The following BRD8 variants were observed in gnomAD, a reference collection of about 807,000 sequenced individuals.
The protein encoded by BRD8 is bromodomain containing 8, also known as bromodomain-containing protein 8.
A neutral mutation model predicts 143.1 loss-of-function variants in BRD8; 67 were observed. That is an observed-to-expected ratio of 0.47 (90% CI 0.38 to 0.57). The LOEUF (loss-of-function observed/expected upper bound fraction) is 0.57, where lower values mean the gene tolerates loss of function less well. Among genes scored for constraint, BRD8 ranks in the 20% least tolerant of loss-of-function variants. The pLI is 0.00. For synonymous variants in BRD8, 505 were observed against 517.1 expected (o/e 0.98, Z 0.32); for missense variants, 1,103 against 1,503.0 (o/e 0.73, Z 4.40).
chr5:138,171,195 AATAAC>A lies in BRD8; in HGVS notation c.237-40_237-36del, dbSNP rs746869591. The A allele has an allele frequency of 6.3e-6, 10 of 1,590,218 alleles. No homozygotes were observed. The South Asian group carries it at 1.1e-4, about 18-fold the overall frequency. On this transcript the variant is annotated intron_variant, in intron 4 of 26. Coordinates refer to ENST00000254900, the MANE Select transcript of BRD8 (RefSeq NM_139199.2). The stretch of plus-strand genomic sequence containing the variant: ...ATTGAAAAAAAAAAATTCATATTCA[AATAAC>A]ATAACATTTATCCCCTCTCCTACTT...
rs556532032 is a variant in BRD8, at chr5:138,168,358, G to A, written c.643-280C>T. On this transcript the variant is annotated intron_variant, in intron 8 of 26. Coordinates refer to ENST00000254900, the MANE Select transcript of BRD8 (RefSeq NM_139199.2). ...TTAAAAAATTAACATTTAATTAGGA[G>A]ATCTTTTCCTCTTTTGAACTTTTAT... is the stretch of plus-strand genomic sequence containing the variant. The A allele has an allele frequency of 4.1e-5, 33 of 803,524 alleles. No individual in the cohort carries two copies. In the African/African-American group the frequency reaches 4.7e-4, roughly 11 times the overall value. The allele number at this position is 803,524 out of a possible 1,614,324, so 49.8% of individuals were successfully genotyped here. A position where few individuals can be genotyped will look rare whatever the true frequency, so the allele number is the denominator to read the frequency against.
chr5:138,168,730 TG>T, intron 8 of BRD8: 1 of 1,035,772 alleles, frequency 9.7e-7, no homozygotes, highest in Non-Finnish European at 1.5e-6. Context: ...TCTCAAACTA[TG>T]GAAGGTTCCC....
chr5:138,143,480 T>A (rs966642995), intron 25 of BRD8, among the ~76,000 whole-genome samples: 16 of 151,954 alleles, frequency 1.1e-4, no homozygotes, highest in South Asian at 2.1e-4. Context: ...CTCAAAAAAA[T>A]TTTTTTAAAT....
intron 2 of BRD8, among the ~76,000 whole-genome samples, chr5:138,176,902 T>C (rs2151225508): frequency 6.6e-6 from 1 of 150,946 alleles, no homozygotes; most frequent in African/African-American, 2.4e-5. Flanking sequence ...CTAGGAAACA[T>C]GATGAAACCC....
chr5:138,161,941 G>A (rs1753031637), intron 16 of BRD8, 77 bp from the exon 17 acceptor site: 1 of 1,574,862 alleles, frequency 6.3e-7, no homozygotes, highest in Non-Finnish European at 8.7e-7. Flanking sequence ...AGTAACTAAA[G>A]GTAGTAAGAA....
rs758978639 is a variant in BRD8, at chr5:138,152,488, G to A, written c.2850C>T (p.Leu950=). 1 of 1,614,010 alleles carries A rather than the reference G, an allele frequency of 6.2e-7. No individual in the cohort carries two copies. The highest frequency in any genetic ancestry group is 1.7e-5 in the Admixed American group (1 of 60,026). The change falls in exon 21 of 27, where the codon CTC becomes CTT. Residue 950 remains leucine, a synonymous_variant. Coordinates refer to ENST00000254900, the MANE Select transcript of BRD8 (RefSeq NM_139199.2). ...AATAAGAGCTCACTGTTACCTCAGA[G>A]AGAAAGTGGAGGAGGTTCTGGTGGC... The part of the protein sequence containing the change: ...KASHQNLLHF[L]SEVAYLMEPL...
intron 2 of BRD8, 35 bp downstream of exon 2, chr5:138,177,535 TA>T: frequency 7.7e-7 from 1 of 1,300,872 alleles, no homozygotes; most frequent in Non-Finnish European, 1.1e-6. Flanking sequence ...TAACAATTTC[TA>T]AGACCCAGAA....
At position 138,170,930 on chromosome 5, in the gene BRD8, G is replaced by C. The variant is rs758790550; in HGVS notation, c.360-18C>G. ...TTAGCCGTCTATAGGAAGAAAGAGA[G>C]GTAGGTAGACTGGGTTTTTTAATCT... On this transcript the variant is annotated intron_variant, in intron 5 of 26. Transcript: ENST00000254900. 1.9e-6 allele frequency: 3 copies of C among 1,613,390 alleles called. No individual in the cohort carries two copies. Among genetic ancestry groups the C allele is most frequent in the South Asian group, 1.1e-5 (1 of 91,048 alleles).
At chr5:138,173,397 C>CAAAA (rs34972519) in intron 2 of BRD8, among the ~76,000 whole-genome samples, 1 of 141,946 alleles carries the variant, frequency 7.0e-6, no homozygotes, top group Non-Finnish European at 1.6e-5. Context: ...GACTCCATCT[C>CAAAA]AAAAAAAAAA....
chr5:138,172,919 G>T (rs2151217804), intron 2 of BRD8: 1 of 182,374 alleles, frequency 5.5e-6, no homozygotes, highest in African/African-American at 2.4e-5. Context: ...AAATGAGGGG[G>T]ATGAAGGGGA....
chr5:138,155,478 A>G (rs1036771436), intron 20 of BRD8, among the ~76,000 whole-genome samples: 5 of 151,182 alleles, frequency 3.3e-5, no homozygotes, highest in Admixed American at 6.6e-5. Flanking sequence ...TTAGTTGGCC[A>G]GGAGCAGTCA....
At chr5:138,140,297 C>A (rs1004257888) in intron 26 of BRD8, 131 bp from the exon 27 acceptor site, 2 of 660,740 alleles carry the variant, frequency 3.0e-6, no homozygotes, top group Non-Finnish European at 5.2e-6. Context: ...AGAAAAGAAA[C>A]CCACAAATGT....
chr5:138,171,554 T>G, intron 3 of BRD8, 144 bp from the exon 4 acceptor site: 1 of 622,940 alleles, frequency 1.6e-6, no homozygotes, highest in South Asian at 2.0e-5. Flanking sequence ...GGCAAGTAAC[T>G]TTATAATCAA....
Position 138,172,074 on chromosome 5 carries a change from G to C in BRD8, c.177C>G (p.Phe59Leu). Reference protein sequence around the residue: ...FAEPGRPPDWFSQKHCASQYS... With the variant: ...FAEPGRPPDWLSQKHCASQYS... Reference sequence around the variant, plus strand: ...TTGCTTGGGAACTTACTTTTTGAGAGAACCAGTCTGGAGGGCGGCCAGGTT... The same window carrying C: ...TTGCTTGGGAACTTACTTTTTGAGACAACCAGTCTGGAGGGCGGCCAGGTT... Residue 59 changes from phenylalanine to leucine, a missense_variant, in exon 3 of 27, where the codon TTC (phenylalanine) becomes TTG (leucine). Phe to Leu is a conservative substitution (Grantham distance 22, BLOSUM62 0). This residue lies in a region of BRD8 where 69 missense variants were observed against 121.6 expected (regional missense o/e 0.57). Coordinates refer to ENST00000254900, the MANE Select transcript of BRD8 (RefSeq NM_139199.2). 6.2e-7 allele frequency: 1 copy of C among 1,613,544 alleles called. No individual in the cohort carries two copies. The highest frequency in any genetic ancestry group is 8.5e-7 in the Non-Finnish European group (1 of 1,179,782).
At position 138,163,313 on chromosome 5, in the gene BRD8, C is replaced by A. The variant is rs778792887; in HGVS notation, c.1904G>T (p.Gly635Val). The change falls in exon 15 of 27, where the codon GGT becomes GTT. Residue 635 changes from glycine (G) to valine (V), a missense_variant. This residue lies in a region of BRD8 where 75 missense variants were observed against 111.7 expected (regional missense o/e 0.67). Transcript: ENST00000254900. ...CTCTAGGCTGGCCGCTTCACTGACA[C>A]CATCTTCCTCCTCATCCTCACCTGG... ...DAPGEDEEED[G>V]VSEAASLEEP... is the part of the protein sequence containing the mutation. 71 of 1,614,014 alleles carry A rather than the reference C, an allele frequency of 4.4e-5. 1 individual carries two copies. The highest frequency in any genetic ancestry group is 2.1e-4 in the South Asian group (19 of 91,086).
At chr5:138,156,041 A>ATT (rs1011162221) in intron 20 of BRD8, among the ~76,000 whole-genome samples, 1 of 144,172 alleles carries the variant, frequency 6.9e-6, no homozygotes. Flanking sequence ...TGCTGGGCTA[A>ATT]TTTTTTTTTT....
chr5:138,146,069 T>C (rs1398523282), intron 23 of BRD8, among the ~76,000 whole-genome samples, 191 bp from the exon 24 acceptor site: 2 of 152,248 alleles, frequency 1.3e-5, no homozygotes, highest in African/African-American at 4.8e-5. Context: ...TTTAATTTTA[T>C]TTTTCTGAGA....
chr5:138,154,137 T>G (rs1269304883), intron 20 of BRD8, among the ~76,000 whole-genome samples: 2 of 152,220 alleles, frequency 1.3e-5, no homozygotes, highest in East Asian at 3.8e-4. Flanking sequence ...TCAGCTTTTC[T>G]ATCTTTAATC....
intron 14 of BRD8, 113 bp downstream of exon 14, chr5:138,163,974 T>C (rs1753204543): frequency 3.9e-6 from 5 of 1,281,628 alleles, no homozygotes; most frequent in African/African-American, 1.5e-5. Context: ...TGCAACTCCA[T>C]ACCAGTCTCT....
Sources: allele counts gnomAD v4.1 joint callset (sites outside exome capture counted in the v4.1 genomes callset), GRCh38; gene constraint gnomAD v4.1.1; regional missense constraint gnomAD v4.1.1; transcripts MANE v1.5; gene names NCBI Gene and HGNC (gene_info 2026-07-23, HGNC 2026-07-21).